The following CLDN16 variants were observed in gnomAD, a reference collection of about 807,000 sequenced individuals.
CLDN16 encodes claudin 16, also known as claudin-16.
Under a neutral mutation model 24.6 loss-of-function variants are expected in CLDN16, and 13 were observed. That is an observed-to-expected ratio of 0.53 (90% confidence interval 0.34 to 0.84). CLDN16 has a LOEUF of 0.84. Ranked by LOEUF, CLDN16 falls within the 40% of genes least tolerant of loss-of-function variation. The probability of loss-of-function intolerance (pLI) is 0.01; values close to 1 mark genes in which losing one functional copy is unlikely to be tolerated. For synonymous variants in CLDN16, 116 were observed against 106.7 expected (o/e 1.09, Z -0.54); for missense variants, 298 against 292.7 (o/e 1.02, Z -0.13).
chr3:190,307,402 C>CT, the CLDN16 span: 1 of 152,052 alleles, frequency 6.6e-6, no homozygotes, highest in Non-Finnish European at 1.5e-5. Flanking sequence ...GTTACAACAC[C>CT]TGGGGGAACA....
rs1437049627 is a variant in CLDN16 at position 190,399,493 on chromosome 3, C to G, written c.115-2844C>G. Among the ~76,000 whole-genome samples, 4 of 149,434 alleles carry G rather than the reference C, an allele frequency of 2.7e-5. 1 individual carries two copies. The highest frequency in any genetic ancestry group is 4.3e-4 in the South Asian group (2 of 4,630). On this transcript the variant is annotated intron_variant, in intron 1 of 4. Coordinates refer to ENST00000264734, the MANE Select transcript of CLDN16 (RefSeq NM_006580.4). ...CCATTGCACTCCAGCCTGGGGAAAACAGCGAGACTCTGCCTCAAAAAAAAT... is the reference window on the plus strand; with the variant it reads ...CCATTGCACTCCAGCCTGGGGAAAAGAGCGAGACTCTGCCTCAAAAAAAAT...
the CLDN16 span, among the ~76,000 whole-genome samples, chr3:190,296,440 A>T: frequency 6.6e-6 from 1 of 152,180 alleles, no homozygotes; most frequent in Non-Finnish European, 1.5e-5. Context: ...TAAGATGTGC[A>T]CTTGTTACAT....
intron 1 of CLDN16, among the ~76,000 whole-genome samples, chr3:190,394,066 T>C (rs1314067412): frequency 6.6e-6 from 1 of 152,136 alleles, no homozygotes; most frequent in African/African-American, 2.4e-5. Context: ...CATTTTTATA[T>C]TTACATCTAT....
intron 1 of CLDN16, among the ~76,000 whole-genome samples, chr3:190,354,490 C>T (rs112614934): frequency 0.028 from 4,298 of 152,044 alleles, 96 homozygotes; most frequent in East Asian, 0.055. Context: ...CACTCTTGTG[C>T]TGTCTTCGTG....
chr3:190,399,362 A>G (rs1331924365), intron 1 of CLDN16, among the ~76,000 whole-genome samples: 1 of 137,712 alleles, frequency 7.3e-6, no homozygotes, highest in African/African-American at 2.7e-5. Flanking sequence ...AAAAAAAAAA[A>G]GTAGCCTGGC....
intron 1 of CLDN16, among the ~76,000 whole-genome samples, chr3:190,399,120 C>A (rs1331817936): frequency 6.6e-6 from 1 of 152,164 alleles, no homozygotes; most frequent in Non-Finnish European, 1.5e-5. Context: ...GGGATGAGAT[C>A]CAAGTTAGGG....
At chr3:190,297,296 C>T in the CLDN16 span, among the ~76,000 whole-genome samples, 1 of 151,368 alleles carries the variant, frequency 6.6e-6, no homozygotes, top group African/African-American at 2.4e-5. Context: ...ATGGAATTCT[C>T]AATGCTGAGT....
intron 3 of CLDN16, among the ~76,000 whole-genome samples, chr3:190,377,264 A>C (rs1718265996): frequency 6.6e-6 from 1 of 152,002 alleles, no homozygotes; most frequent in Admixed American, 6.6e-5. Flanking sequence ...AGAATCTTTA[A>C]AAAGATAGGA....
At chr3:190,333,159 C>T (rs1301413199) in intron 1 of CLDN16, among the ~76,000 whole-genome samples, 2 of 151,972 alleles carry the variant, frequency 1.3e-5, no homozygotes, top group African/African-American at 2.4e-5. Flanking sequence ...TTAGCATGTG[C>T]GTTATGCGGT....
intron 3 of CLDN16, among the ~76,000 whole-genome samples, chr3:190,382,612 C>G (rs1718393087): frequency 6.6e-6 from 1 of 152,110 alleles, no homozygotes; most frequent in Non-Finnish European, 1.5e-5. Flanking sequence ...TCAGTTCTAA[C>G]TGTTGGAAAG....
intron 1 of CLDN16, among the ~76,000 whole-genome samples, chr3:190,357,331 T>C (rs1717795753): frequency 6.6e-6 from 1 of 151,936 alleles, no homozygotes; most frequent in African/African-American, 2.4e-5. Context: ...TGAGAACTCG[T>C]AATTTTGGTT....
intron 1 of CLDN16, among the ~76,000 whole-genome samples, chr3:190,392,021 T>C (rs1718690123): frequency 6.6e-6 from 1 of 151,848 alleles, no homozygotes; most frequent in Admixed American, 6.6e-5. Context: ...TTTTCAATTG[T>C]ATAGTTGAAC....
chr3:190,306,849 G>GT, the CLDN16 span: 55 of 152,658 alleles, frequency 3.6e-4, no homozygotes, highest in Non-Finnish European at 5.9e-4. Flanking sequence ...ATGTGCGTAG[G>GT]TTTTGTTCAG....
At chr3:190,344,540 T>C (rs1439867295) in intron 1 of CLDN16, among the ~76,000 whole-genome samples, 1 of 151,932 alleles carries the variant, frequency 6.6e-6, no homozygotes, top group Non-Finnish European at 1.5e-5. Context: ...CTATGTATTC[T>C]GTAAATGCAT....
chr3:190,408,126 A>G (rs928589530), intron 3 of CLDN16, among the ~76,000 whole-genome samples, 188 bp from the exon 4 acceptor site: 3 of 152,232 alleles, frequency 2.0e-5, no homozygotes, highest in Non-Finnish European at 2.9e-5. Context: ...AAAATTTAAA[A>G]AAGATACAAG....
chr3:190,291,431 A>G, the CLDN16 span, among the ~76,000 whole-genome samples: 1 of 152,106 alleles, frequency 6.6e-6, no homozygotes, highest in Non-Finnish European at 1.5e-5. Context: ...GGTGTAACAG[A>G]AGTGAAGAGA....
At chr3:190,304,316 C>T in the CLDN16 span, among the ~76,000 whole-genome samples, 1 of 152,108 alleles carries the variant, frequency 6.6e-6, no homozygotes, top group African/African-American at 2.4e-5. Context: ...CTTCTCTTTC[C>T]ACCTAACATC....
intron 1 of CLDN16, among the ~76,000 whole-genome samples, chr3:190,322,919 C>T (rs1716971469): frequency 6.6e-6 from 1 of 151,740 alleles, no homozygotes; most frequent in African/African-American, 2.4e-5. Flanking sequence ...CTGTCAAGGT[C>T]GTTCCATCAC....
chr3:190,348,944 G>T (rs1717614419), intron 1 of CLDN16, among the ~76,000 whole-genome samples: 1 of 152,154 alleles, frequency 6.6e-6, no homozygotes, highest in Admixed American at 6.5e-5. Context: ...GTGTTAGTTT[G>T]CTAAAGATAA....
Sources: allele counts gnomAD v4.1 joint callset (sites outside exome capture counted in the v4.1 genomes callset), GRCh38; gene constraint gnomAD v4.1.1; transcripts MANE v1.5; gene names NCBI Gene and HGNC (gene_info 2026-07-23, HGNC 2026-07-21).